The following RPS6KA3 variants were observed in gnomAD, a reference collection of about 807,000 sequenced individuals.
RPS6KA3 encodes ribosomal protein S6 kinase A3.
In RPS6KA3, 4 loss-of-function variants were observed where a neutral mutation model predicts 67.2. The ratio of observed to expected loss-of-function variants is 0.06; its 90% CI spans 0.03 to 0.14. RPS6KA3 has a LOEUF of 0.14. Among genes scored for constraint, RPS6KA3 ranks in the 10% least tolerant of loss-of-function variants. RPS6KA3 has a pLI of 1.00. For synonymous variants in RPS6KA3, 182 were observed against 183.7 expected (o/e 0.99, Z 0.07); for missense variants, 204 against 559.0 (o/e 0.36, Z 6.40).
At chrX:20,239,349 G>A (rs2069494199) in intron 1 of RPS6KA3, among the ~76,000 whole-genome samples, 1 of 111,782 alleles carries the variant, frequency 8.9e-6, no homozygotes, top group African/African-American at 3.2e-5. Context: ...AAGTATCGGA[G>A]AGTGTTGAAA....
intron 17 of RPS6KA3, among the ~76,000 whole-genome samples, chrX:20,167,317 T>A (rs1168738522): frequency 9.0e-6 from 1 of 111,687 alleles, no homozygotes; most frequent in Non-Finnish European, 1.9e-5. Flanking sequence ...GAGTACAGAG[T>A]GACCTAGCAG....
In RPS6KA3 at chrX:20,158,387, A is replaced by AAG. The variant is rs60488991; in HGVS notation, c.1960-2140_1960-2139dup. On this transcript the variant is annotated intron_variant, in intron 20 of 21. Coordinates refer to ENST00000379565, the MANE Select transcript of RPS6KA3 (RefSeq NM_004586.3). ...TCTCAAAAAAAAAAAAAAAAAAAAA[A>AAG]AGAGAGAGAGAGAGAGAGAAATGGA... Among the ~76,000 whole-genome samples, 483 of 97,287 alleles carry AAG rather than the reference A, an allele frequency of 5.0e-3. 3 individuals carry two copies. The highest frequency in any genetic ancestry group is 1.0e-2 in the Middle Eastern group (2 of 201). 84.5% of individuals were successfully genotyped at this position (97,287 alleles called of 115,157 possible).
intron 2 of RPS6KA3, among the ~76,000 whole-genome samples, chrX:20,212,950 C>T (rs1271470249): frequency 9.0e-6 from 1 of 111,459 alleles, no homozygotes; most frequent in Non-Finnish European, 1.9e-5. Flanking sequence ...TTTCTGCCTG[C>T]GTCCACTCCA....
intron 4 of RPS6KA3, 44 bp from the exon 5 acceptor site, chrX:20,195,189 G>C (rs774257014): frequency 1.1e-6 from 1 of 887,295 alleles, no homozygotes; most frequent in Non-Finnish European, 1.6e-6. Context: ...ATCTTTCAAA[G>C]ATAATCTTCA....
At chrX:20,260,815 G>C (rs989504498) in intron 1 of RPS6KA3, among the ~76,000 whole-genome samples, 1 of 111,475 alleles carries the variant, frequency 9.0e-6, no homozygotes, top group Admixed American at 9.6e-5. Context: ...TTACAAATTA[G>C]GATGTTGAAG....
Position 20,154,297 on chromosome X carries a change from G to A in RPS6KA3, c.*1101C>T, listed in dbSNP as rs1327837090. ...ATGTTTTATTCCCTAAAATAAGAAA[G>A]TTTAAATCCAATTTCATACAGAGGC... On this transcript the variant is annotated 3_prime_UTR_variant, in exon 22 of 22. Transcript: ENST00000379565. 8.9e-6 allele frequency: 1 copy of A among 112,505 alleles called. No individual in the cohort carries two copies. Among genetic ancestry groups the A allele is most frequent in the Non-Finnish European group, 1.9e-5 (1 of 53,305 alleles). The allele number at this position is 112,505 out of a possible 1,213,427, so 9.3% of individuals were successfully genotyped here.
chrX:20,261,244 G>C (rs978976393), intron 1 of RPS6KA3, among the ~76,000 whole-genome samples: 2 of 111,531 alleles, frequency 1.8e-5, no homozygotes, highest in African/African-American at 6.5e-5. Flanking sequence ...TAGCAGAGTA[G>C]AGTAGGGTGA....
Position 20,150,378 on chromosome X carries a change from C to T in RPS6KA3, c.*5020G>A, listed in dbSNP as rs1052145923. On this transcript the variant is annotated 3_prime_UTR_variant, in exon 22 of 22. Transcript: ENST00000379565. ...ACCAAAAATGCAAAATAAGTACATC[C>T]CTTAGGTGTATACCTTCCCTTTTGC... is the stretch of plus-strand genomic sequence containing the variant. 2.7e-5 allele frequency: 3 copies of T among 112,462 alleles called. No individual in the cohort carries two copies. The highest frequency in any genetic ancestry group is 5.6e-5 in the Non-Finnish European group (3 of 53,177). 9.3% of individuals were successfully genotyped at this position (112,462 alleles called of 1,213,427 possible).
chrX:20,259,105 A>G (rs941688054), intron 1 of RPS6KA3, among the ~76,000 whole-genome samples: 1 of 111,890 alleles, frequency 8.9e-6, no homozygotes, highest in African/African-American at 3.2e-5. Context: ...GTATTTGTAC[A>G]TGATGAGCAG....
At position 20,266,738 on chromosome X, in the gene RPS6KA3, GGCGGCGGCGGCA is replaced by G. The variant is rs1241474947; in HGVS notation, c.-118_-107del. The stretch of plus-strand genomic sequence containing the variant: ...GCCCCACGGCAGCGGCGGCGGCGGC[GGCGGCGGCGGCA>G]GCGGCAGCGGCAGCGGCAGCAGCAG... On this transcript the variant is annotated 5_prime_UTR_variant, in exon 1 of 22. Transcript: ENST00000379565. 70 of 347,067 alleles carry G rather than the reference GGCGGCGGCGGCA, an allele frequency of 2.0e-4. No individual in the cohort carries two copies. In the Admixed American group the frequency reaches 4.3e-3, roughly 21 times the overall value. 28.6% of individuals were successfully genotyped at this position (347,067 alleles called of 1,213,427 possible). A position where few individuals can be genotyped will look rare whatever the true frequency, so the allele number is the denominator to read the frequency against.
intron 1 of RPS6KA3, among the ~76,000 whole-genome samples, chrX:20,264,578 T>G (rs1188011693): frequency 2.7e-5 from 3 of 112,295 alleles, no homozygotes; most frequent in Non-Finnish European, 5.6e-5. Flanking sequence ...AATCCTACCC[T>G]GCTGGGTCAC....
At chrX:20,245,731 C>G (rs747026941) in intron 1 of RPS6KA3, among the ~76,000 whole-genome samples, 1 of 111,661 alleles carries the variant, frequency 9.0e-6, no homozygotes, top group South Asian at 3.8e-4. Flanking sequence ...TTACCTGGAC[C>G]TATCTCAGCC....
chrX:20,168,679 C>A (rs2067499363), intron 16 of RPS6KA3, among the ~76,000 whole-genome samples: 2 of 111,585 alleles, frequency 1.8e-5, no homozygotes, highest in South Asian at 7.3e-4. Context: ...GGTAAGTGTT[C>A]AAGTAAGTGC....
chrX:20,253,856 C>T (rs1205258381), intron 1 of RPS6KA3, among the ~76,000 whole-genome samples: 1 of 110,708 alleles, frequency 9.0e-6, no homozygotes, highest in Non-Finnish European at 1.9e-5. Flanking sequence ...GAAAATAAAT[C>T]CATTTAATTC....
chrX:20,169,513 C>T lies in RPS6KA3; in HGVS notation c.1354-22G>A, dbSNP rs749379311. 11 of 923,102 alleles carry T rather than the reference C, an allele frequency of 1.2e-5. No homozygotes were observed. In the South Asian group the frequency reaches 2.0e-4, roughly 16 times the overall value. 76.1% of individuals were successfully genotyped at this position (923,102 alleles called of 1,213,427 possible). On this transcript the variant is annotated intron_variant, in intron 15 of 21. Transcript: ENST00000379565. ...TAATCTAAAAGGCAAATGTTTATCA[C>T]AAAACCTCATCAACTATACAGTTAT...
intron 1 of RPS6KA3, among the ~76,000 whole-genome samples, chrX:20,237,040 T>C (rs928789573): frequency 1.2e-4 from 13 of 111,850 alleles, no homozygotes; most frequent in Admixed American, 1.9e-4. Context: ...AAAATGAAGA[T>C]TGAAAAGTCT....
chrX:20,175,050 A>G (rs1221444217), intron 14 of RPS6KA3, 114 bp downstream of exon 14: 2 of 771,219 alleles, frequency 2.6e-6, no homozygotes, highest in Non-Finnish European at 3.9e-6. Flanking sequence ...CACTATGCCC[A>G]GTCTAAAATG....
intron 4 of RPS6KA3, among the ~76,000 whole-genome samples, chrX:20,201,976 CTTTTTTTTT>C (rs1282039865): frequency 1.2e-5 from 1 of 82,761 alleles, no homozygotes; most frequent in South Asian, 5.7e-4. Context: ...TTTCTTTTTT[CTTTTTTTTT>C]TTTTTTTTTT....
At chrX:20,240,285 CT>C (rs778713587) in intron 1 of RPS6KA3, among the ~76,000 whole-genome samples, 3,232 of 54,315 alleles carry the variant, frequency 0.06, 358 homozygotes, top group African/African-American at 0.26. Flanking sequence ...AAGGACCATA[CT>C]TTTTTTTTTT....
Sources: allele counts gnomAD v4.1 joint callset (sites outside exome capture counted in the v4.1 genomes callset), GRCh38; gene constraint gnomAD v4.1.1; transcripts MANE v1.5; gene names NCBI Gene and HGNC (gene_info 2026-07-23, HGNC 2026-07-21).